Variants in DNER observed in about 807,000 individuals in gnomAD.
The protein encoded by DNER is delta/notch like EGF repeat containing.
Under a neutral mutation model 78.2 loss-of-function variants are expected in DNER, and 33 were observed. The observed-to-expected ratio is 0.42, with a 90% CI of 0.32 to 0.56. The LOEUF is 0.56. Ranked by LOEUF, DNER falls within the 20% of genes least tolerant of loss-of-function variation. DNER has a pLI of 0.11. For synonymous variants in DNER, 417 were observed against 384.8 expected, an observed-to-expected ratio of 1.08 and a Z score of -0.98; for missense variants, 918 against 975.3, an observed-to-expected ratio of 0.94 and a Z score of 0.78.
chr2:229,424,075 T>G (rs1212017705), intron 8 of DNER, among the ~76,000 whole-genome samples: 1 of 152,228 alleles, frequency 6.6e-6, no homozygotes, highest in Non-Finnish European at 1.5e-5. Flanking sequence ...CAAAATGTTA[T>G]CAATTGATTC....
chr2:229,367,086 C>G lies in DNER; in HGVS notation c.1889G>C (p.Ser630Thr). 1 of 1,614,098 alleles carries G rather than the reference C, an allele frequency of 6.2e-7. No homozygotes were observed. Among genetic ancestry groups the G allele is most frequent in the Non-Finnish European group, 8.5e-7 (1 of 1,180,016 alleles). ...LQWKSGHMAE[S>T]LTNMPRHSLY... The stretch of plus-strand genomic sequence containing the variant: ...GGAGTGCCGTGGCATGTTGGTGAGG[C>G]TCTCCGCCATGTGCCCGGACTTCCA... Residue 630 changes from serine to threonine, a missense_variant, in exon 12 of 13, where the codon AGC becomes ACC. Physicochemically the swap from Ser to Thr is moderately conservative, Grantham distance 58 (BLOSUM62 1). Transcript: ENST00000341772.
At chr2:229,648,477 C>G (rs539165096) in intron 1 of DNER, among the ~76,000 whole-genome samples, 1 of 152,292 alleles carries the variant, frequency 6.6e-6, no homozygotes. Context: ...CTTTGCAGAG[C>G]TTTTGGGTGC....
intron 8 of DNER, among the ~76,000 whole-genome samples, chr2:229,423,923 T>C (rs1179454549): frequency 1.3e-5 from 2 of 152,242 alleles, no homozygotes; most frequent in African/African-American, 4.8e-5. Flanking sequence ...ATTTTTATCA[T>C]AGTTCTTTAC....
chr2:229,504,364 C>T (rs1695690809), intron 6 of DNER, among the ~76,000 whole-genome samples: 1 of 152,122 alleles, frequency 6.6e-6, no homozygotes, highest in African/African-American at 2.4e-5. Flanking sequence ...AGATTACAGG[C>T]ACCCACCACC....
At chr2:229,709,930 T>C (rs1452600011) in intron 1 of DNER, among the ~76,000 whole-genome samples, 2 of 152,038 alleles carry the variant, frequency 1.3e-5, no homozygotes, top group South Asian at 2.1e-4. Context: ...AAAAGAAAAA[T>C]TGGCCCAGCC....
intron 11 of DNER, among the ~76,000 whole-genome samples, chr2:229,386,170 A>G (rs145310687): frequency 0.037 from 5,671 of 152,290 alleles, 305 homozygotes; most frequent in African/African-American, 0.13. Context: ...GATGCCACAT[A>G]TCTACAACCA....
At chr2:229,480,274 C>T (rs1695128440) in intron 6 of DNER, among the ~76,000 whole-genome samples, 1 of 152,132 alleles carries the variant, frequency 6.6e-6, no homozygotes. Context: ...TCGTATTTTC[C>T]TAGGTTCCCC....
intron 1 of DNER, among the ~76,000 whole-genome samples, chr2:229,703,695 A>G (rs569899061): frequency 2.0e-5 from 3 of 152,316 alleles, no homozygotes; most frequent in African/African-American, 7.2e-5. Context: ...CCTGGGCAAC[A>G]TGGTGAAACC....
chr2:229,614,216 A>T (rs988647464), intron 1 of DNER, among the ~76,000 whole-genome samples: 2 of 151,778 alleles, frequency 1.3e-5, no homozygotes, highest in Non-Finnish European at 2.9e-5. Flanking sequence ...ATAATAAAAT[A>T]AAAAATAAAA....
rs1237541302 is a variant in DNER, at chr2:229,358,854, A to G, written c.2103-203T>C. ...TCTTTGGTGTTCGAGGCAAAAAAAC[A>G]TATTTCACAAAATGTAGAGCTCAAA... On this transcript the variant is annotated intron_variant, in intron 12 of 12. Transcript: ENST00000341772. 4.6e-5 allele frequency among the ~76,000 whole-genome samples: 7 copies of G among 152,376 alleles called. 3 individuals are homozygous for G. The highest frequency in any genetic ancestry group is 4.6e-4 in the Admixed American group (7 of 15,306).
chr2:229,465,968 T>C (rs1057261050), intron 7 of DNER, among the ~76,000 whole-genome samples: 1 of 152,164 alleles, frequency 6.6e-6, no homozygotes, highest in Non-Finnish European at 1.5e-5. Context: ...TAGCCAAATC[T>C]GTCCACTTCT....
chr2:229,554,309 G>A (rs528969710), intron 4 of DNER, among the ~76,000 whole-genome samples: 2 of 152,328 alleles, frequency 1.3e-5, no homozygotes, highest in East Asian at 3.9e-4. Context: ...TGTAGTCCCA[G>A]CACTTTGGGA....
chr2:229,691,355 A>G (rs2253704), intron 1 of DNER, among the ~76,000 whole-genome samples: 152,165 of 152,168 alleles, frequency 1, 76,081 homozygotes, highest in Non-Finnish European at 1. Context: ...TTTCTACCAC[A>G]TCGCAGCTCT....
chr2:229,622,105 C>A (rs67270466), intron 1 of DNER, among the ~76,000 whole-genome samples: 6,410 of 151,744 alleles, frequency 0.042, 156 homozygotes, highest in Non-Finnish European at 0.044. Flanking sequence ...AACAAACAAA[C>A]AAAAAAAAGA....
At chr2:229,681,711 T>A (rs7562449) in intron 1 of DNER, among the ~76,000 whole-genome samples, 1 of 151,668 alleles carries the variant, frequency 6.6e-6, no homozygotes, top group African/African-American at 2.4e-5. Context: ...AACTTAACAA[T>A]AGTATTTCTC....
intron 7 of DNER, among the ~76,000 whole-genome samples, chr2:229,474,552 G>T (rs1222267248): frequency 6.6e-6 from 1 of 152,128 alleles, no homozygotes; most frequent in Non-Finnish European, 1.5e-5. Context: ...AAGGAGAAGG[G>T]TTCCTAGATC....
At position 229,628,900 on chromosome 2, in the gene DNER, A is replaced by G. The variant is rs570398811; in HGVS notation, c.277-37012T>C. Among the ~76,000 whole-genome samples, 4 of 152,306 alleles carry G rather than the reference A, an allele frequency of 2.6e-5. No individual in the cohort carries two copies. In the South Asian group the frequency reaches 8.3e-4, roughly 32 times the overall value. ...CTGACCACTGACGTTTCCATCTTGC[A>G]GTGTGACTGCTTCCCCTAACATATT... On this transcript the variant is annotated intron_variant, in intron 1 of 12. Transcript: ENST00000341772.
At chr2:229,714,115 G>T in intron 1 of DNER, 33 bp downstream of exon 1, 1 of 1,275,082 alleles carries the variant, frequency 7.8e-7, no homozygotes, top group Non-Finnish European at 9.9e-7. Flanking sequence ...TCCCGGACCA[G>T]CGCCCCGCAC....
chr2:229,562,999 A>G (rs1467829128), intron 4 of DNER, among the ~76,000 whole-genome samples: 1 of 145,216 alleles, frequency 6.9e-6, no homozygotes, highest in Non-Finnish European at 1.5e-5. Flanking sequence ...ATCATCATCA[A>G]CATCATCACC....
Sources: allele counts gnomAD v4.1 joint callset (sites outside exome capture counted in the v4.1 genomes callset), GRCh38; gene constraint gnomAD v4.1.1; transcripts MANE v1.5; gene names NCBI Gene and HGNC (gene_info 2026-07-23, HGNC 2026-07-21).